The following LPIN1 variants were observed in gnomAD, a reference collection of about 807,000 sequenced individuals.
The protein encoded by LPIN1 is phosphatidate phosphatase LPIN1.
In LPIN1, 71 loss-of-function variants were observed where a neutral mutation model predicts 107.5. The ratio of observed to expected loss-of-function variants is 0.66; its 90% confidence interval spans 0.55 to 0.80. The LOEUF (loss-of-function observed/expected upper bound fraction) is 0.80, where lower values mean the gene tolerates loss of function less well. LPIN1 is among the 30% of genes least tolerant of loss of function. The pLI is 0.00. For synonymous variants in LPIN1, 445 were observed against 452.6 expected (o/e 0.98, Z 0.21); for missense variants, 1,043 against 1,160.6 (o/e 0.90, Z 1.47).
In LPIN1 at chr2:11,748,922, G is replaced by T. The variant is rs189558741; in HGVS notation, c.-10+2251G>T. Among the ~76,000 whole-genome samples, 13 of 152,266 alleles carry T rather than the reference G, an allele frequency of 8.5e-5. No individual in the cohort carries two copies. In the East Asian group the frequency reaches 2.5e-3, roughly 29 times the overall value. ...GACACCGAGGCTGGTGGTTCGACCT[G>T]TTTGCACTTGCACTTCCTCACTGGT... On this transcript the variant is annotated intron_variant, in intron 1 of 20. Transcript: ENST00000674199.
intron 20 of LPIN1, among the ~76,000 whole-genome samples, chr2:11,824,226 A>G (rs1270385992): frequency 1.3e-5 from 2 of 151,726 alleles, no homozygotes; most frequent in Non-Finnish European, 2.9e-5. Context: ...CCTTTTCACT[A>G]TGCAATGAAG....
intron 17 of LPIN1, among the ~76,000 whole-genome samples, chr2:11,812,958 T>G (rs997080994): frequency 1.3e-5 from 2 of 151,970 alleles, no homozygotes; most frequent in African/African-American, 4.8e-5. Flanking sequence ...GCGTGGGGGC[T>G]GGGGGTAGGT....
intron 17 of LPIN1, among the ~76,000 whole-genome samples, chr2:11,814,555 T>TGTGTGTGTG: frequency 6.7e-6 from 1 of 149,878 alleles, no homozygotes; most frequent in Admixed American, 6.8e-5. Context: ...TGTGTGGTTG[T>TGTGTGTGTG]TTTGGCTTGG....
chr2:11,755,015 G>A (rs368484005), intron 1 of LPIN1, among the ~76,000 whole-genome samples: 15 of 151,150 alleles, frequency 9.9e-5, no homozygotes, highest in Non-Finnish European at 1.9e-4. Flanking sequence ...ACCCAGGCTG[G>A]AGTGCAGTGG....
chr2:11,702,920 C>CAACG (rs5829324), intron 1 of LPIN1, among the ~76,000 whole-genome samples: 277 of 151,742 alleles, frequency 1.8e-3, no homozygotes, highest in Middle Eastern at 3.4e-3. Context: ...GAATATCTCG[C>CAACG]ACCTTATCTT....
At chr2:11,693,808 ATATATATATATATATTTTTTT>A in intron 1 of LPIN1, among the ~76,000 whole-genome samples, 1 of 29,448 alleles carries the variant, frequency 3.4e-5, no homozygotes, top group Non-Finnish European at 7.7e-5. Context: ...ATATATATAT[ATATATATATATATATTTTTTT>A]TTTTTTTTTT....
rs529700368 is a variant in LPIN1 at position 11,757,199 on chromosome 2, C to A, written c.-9-8334C>A. On this transcript the variant is annotated intron_variant, in intron 1 of 20. Coordinates refer to ENST00000674199, the MANE Select transcript of LPIN1 (RefSeq NM_001349206.2). ...TGAGTGAATAGCAGGCATCTGAAAG[C>A]CGTTCCACTGGAAATTGAAGCCTTC... Among the ~76,000 whole-genome samples the A allele has an allele frequency of 3.9e-5, 6 of 152,316 alleles. No individual in the cohort carries two copies. In the South Asian group the frequency reaches 1.0e-3, roughly 26 times the overall value.
At chr2:11,724,454 G>A (rs1664396440) in exon 1 of LPIN1, 1 of 985,850 alleles carries the variant, frequency 1.0e-6, no homozygotes, top group Non-Finnish European at 1.2e-6. Context: ...AGCCATGCCT[G>A]TCCTAACAGC....
At chr2:11,784,712 C>T (rs1674193704) in intron 9 of LPIN1, 174 bp from the exon 10 acceptor site, 4 of 704,890 alleles carry the variant, frequency 5.7e-6, no homozygotes, top group Non-Finnish European at 1.0e-5. Flanking sequence ...CTCTCCTAAG[C>T]TAAGGCGTTT....
At chr2:11,824,551 A>G (rs1379173380) in intron 20 of LPIN1, 81 bp from the exon 21 acceptor site, 3 of 1,434,918 alleles carry the variant, frequency 2.1e-6, no homozygotes, top group Non-Finnish European at 2.9e-6. Flanking sequence ...GAGGTTGTAG[A>G]TCTCTCTTGA....
chr2:11,804,415 T>A lies in LPIN1; in HGVS notation c.2014-8T>A, dbSNP rs748764256. 1.2e-6 allele frequency: 2 copies of A among 1,614,132 alleles called. No individual in the cohort carries two copies. Among genetic ancestry groups the A allele is most frequent in the Admixed American group, 3.3e-5 (2 of 60,016 alleles). On this transcript the variant is annotated splice_region_variant and splice_polypyrimidine_tract_variant and intron_variant, in intron 15 of 20. Coordinates refer to ENST00000674199, the MANE Select transcript of LPIN1 (RefSeq NM_001349206.2). The stretch of plus-strand genomic sequence containing the variant: ...AGCAGACAAATACTAATGGTTCATG[T>A]TTTTCAGAAAAGCTTGAAGTTGAAG...
At chr2:11,754,947 A>G (rs534311870) in intron 1 of LPIN1, among the ~76,000 whole-genome samples, 1 of 151,770 alleles carries the variant, frequency 6.6e-6, no homozygotes, top group Admixed American at 6.6e-5. Context: ...GGCAGAGAAC[A>G]ATTCCTGCTG....
chr2:11,721,498 C>T (rs1664144080), upstream of LPIN1: 1 of 152,174 alleles, frequency 6.6e-6, no homozygotes, highest in Non-Finnish European at 1.5e-5. Flanking sequence ...TAACCAGAAC[C>T]CAGGTCCCCA....
At chr2:11,749,442 T>C (rs984877964) in intron 1 of LPIN1, among the ~76,000 whole-genome samples, 1 of 152,158 alleles carries the variant, frequency 6.6e-6, no homozygotes, top group East Asian at 1.9e-4. Flanking sequence ...TTCCTGTGGG[T>C]TCCCTTCCTC....
intron 1 of LPIN1, among the ~76,000 whole-genome samples, chr2:11,759,800 G>A (rs1409946904): frequency 4.3e-4 from 37 of 86,784 alleles, no homozygotes; most frequent in African/African-American, 1.2e-3. Context: ...CGGGGCGGCT[G>A]GCCGGGCGGG....
At chr2:11,715,344 A>G (rs573798097) in intron 2 of LPIN1, among the ~76,000 whole-genome samples, 2 of 152,332 alleles carry the variant, frequency 1.3e-5, no homozygotes, top group Admixed American at 1.3e-4. Context: ...CACCCTGCAC[A>G]GAGCTGGGCT....
chr2:11,737,144 C>T (rs1374879927), intron 1 of LPIN1, among the ~76,000 whole-genome samples: 1 of 152,162 alleles, frequency 6.6e-6, no homozygotes, highest in East Asian at 1.9e-4. Flanking sequence ...AAAGGATTCC[C>T]TATTAATAAA....
At chr2:11,779,217 A>G (rs1673143608) in intron 6 of LPIN1, among the ~76,000 whole-genome samples, 1 of 152,186 alleles carries the variant, frequency 6.6e-6, no homozygotes. Flanking sequence ...AGGTAAGAAC[A>G]GACTATTTTT....
chr2:11,783,709 C>A, intron 8 of LPIN1, 120 bp from the exon 9 acceptor site: 1 of 824,626 alleles, frequency 1.2e-6, no homozygotes, highest in Non-Finnish European at 2.2e-6. Context: ...GGTTCTTGGG[C>A]AGTTTGAGTA....
Sources: gnomAD v4.1 joint callset for allele counts (sites outside exome capture counted in the v4.1 genomes callset) on GRCh38, gnomAD v4.1.1 for gene constraint, MANE v1.5 for transcripts, NCBI Gene and HGNC (gene_info 2026-07-23, HGNC 2026-07-21) for gene names.